The following IDH2 variants were observed in gnomAD, a reference collection of about 807,000 sequenced individuals.
IDH2 encodes the protein isocitrate dehydrogenase [NADP], mitochondrial.
A neutral mutation model predicts 50.5 loss-of-function variants in IDH2; 18 were observed. The observed-to-expected ratio is 0.36, with a 90% CI of 0.25 to 0.53. The LOEUF (loss-of-function observed/expected upper bound fraction) is 0.53. Among genes scored for constraint, IDH2 ranks in the 20% least tolerant of loss-of-function variants. The pLI, the probability that IDH2 is intolerant of heterozygous loss-of-function variation, is 0.92. For synonymous variants in IDH2, 280 were observed against 239.8 expected (o/e 1.17, Z -1.55); for missense variants, 518 against 610.7 (o/e 0.85, Z 1.60).
rs966296944 is a variant in IDH2, at chr15:90,100,104, T to C, written c.115+2172A>G. On this transcript the variant is annotated intron_variant, in intron 1 of 10. Transcript: ENST00000330062. The surrounding 1 kb of genome is among the most constrained non-coding windows in gnomAD (Gnocchi z 4.1). ...GTTCTTACCAGCAGCCTGCACCAGA[T>C]GTACACGGGTGGCATCTCTCTCCAG... is the stretch of plus-strand genomic sequence containing the variant. Among the ~76,000 whole-genome samples, 1 of 152,170 alleles carries C rather than the reference T, an allele frequency of 6.6e-6. No individual in the cohort carries two copies. The highest frequency in any genetic ancestry group is 1.5e-5 in the Non-Finnish European group (1 of 68,030).
At chr15:90,092,016 T>G (rs1901052187) in intron 1 of IDH2, among the ~76,000 whole-genome samples, 1 of 152,144 alleles carries the variant, frequency 6.6e-6, no homozygotes, top group Non-Finnish European at 1.5e-5. Context: ...GGTTGCATAC[T>G]CCTTATGAGA....
chr15:90,102,235 T>C, intron 1 of IDH2, 41 bp downstream of exon 1: 1 of 894,404 alleles, frequency 1.1e-6, no homozygotes, highest in South Asian at 5.4e-5. Context: ...ACGTCGCAGC[T>C]GGGGGCGCGC....
chr15:90,086,900 C>A (rs565734985), intron 7 of IDH2, among the ~76,000 whole-genome samples: 1 of 152,272 alleles, frequency 6.6e-6, no homozygotes, highest in South Asian at 2.1e-4. Context: ...TCCTTTCTCT[C>A]TAAGAGCAGC....
intron 5 of IDH2, 100 bp from the exon 6 acceptor site, chr15:90,087,675 AC>A (rs1900900270): frequency 7.2e-7 from 1 of 1,397,852 alleles, no homozygotes; most frequent in Non-Finnish European, 1.0e-6. Flanking sequence ...CAGGAACGGT[AC>A]CCCGCCGCCC....
At position 90,091,662 on chromosome 15, in the gene IDH2, C is replaced by T. The variant is rs779652053; in HGVS notation, c.116-18G>A. On this transcript the variant is annotated intron_variant, in intron 1 of 10. Coordinates refer to ENST00000330062, the MANE Select transcript of IDH2 (RefSeq NM_002168.4). The stretch of plus-strand genomic sequence containing the variant: ...GTCGGCATCTAGAAGCAGGGACACA[C>T]AGCGCATCATGCCCCTGGGGAGGCT... 5.6e-6 allele frequency: 9 copies of T among 1,607,496 alleles called. No individual in the cohort carries two copies. Among genetic ancestry groups the T allele is most frequent in the Non-Finnish European group, 6.8e-6 (8 of 1,173,972 alleles).
Position 90,100,024 on chromosome 15 carries a change from T to G in IDH2, c.115+2252A>C. Among the ~76,000 whole-genome samples, 1 of 152,060 alleles carries G rather than the reference T, an allele frequency of 6.6e-6. No individual in the cohort carries two copies. Among genetic ancestry groups the G allele is most frequent in the East Asian group, 1.9e-4 (1 of 5,184 alleles). Reference sequence around the variant, plus strand: ...TGCCCTCACCTTCTGTTTCACTGAATGTGTTTCCTCCCCTCTCACCCATCT... The same window carrying G: ...TGCCCTCACCTTCTGTTTCACTGAAGGTGTTTCCTCCCCTCTCACCCATCT... On this transcript the variant is annotated intron_variant, in intron 1 of 10. Coordinates refer to ENST00000330062, the MANE Select transcript of IDH2 (RefSeq NM_002168.4). The surrounding 1 kb of genome is among the most constrained non-coding windows in gnomAD (Gnocchi z 4.1).
At chr15:90,093,389 CATA>C (rs1901096046) in intron 1 of IDH2, among the ~76,000 whole-genome samples, 1 of 152,156 alleles carries the variant, frequency 6.6e-6, no homozygotes, top group Non-Finnish European at 1.5e-5. Context: ...CTGTGTAGCT[CATA>C]ATAAAATCCT....
At position 90,088,565 on chromosome 15, in the gene IDH2, T is replaced by A. The variant is rs777479451; in HGVS notation, c.534+22A>T. On this transcript the variant is annotated intron_variant, in intron 4 of 10. Transcript: ENST00000330062. ...GTCGGGGGGTGCCCAGGTCAGTGGATCCCCTCTCCACCCTGGCCTACCTGG... is the reference window on the plus strand; with the variant it reads ...GTCGGGGGGTGCCCAGGTCAGTGGAACCCCTCTCCACCCTGGCCTACCTGG... 2.0e-5 allele frequency: 32 copies of A among 1,613,922 alleles called. No individual in the cohort carries two copies. The East Asian group carries it at 6.9e-4, about 35-fold the overall frequency.
chr15:90,088,231 C>T (rs1900924135), intron 5 of IDH2, 128 bp downstream of exon 5: 2 of 1,221,728 alleles, frequency 1.6e-6, no homozygotes, highest in Admixed American at 1.7e-5. Flanking sequence ...CATGCCCAGC[C>T]CTGGTGGCCA....
rs1900790462 is a variant in IDH2 at position 90,084,083 on chromosome 15, C to T, written c.*183G>A. On this transcript the variant is annotated 3_prime_UTR_variant, in exon 11 of 11. Transcript: ENST00000330062. The surrounding 1 kb of genome is among the most constrained non-coding windows in gnomAD (Gnocchi z 5.0). ...TGACTGGCTGAGGTAAAACGCACTG[C>T]TCCTGCCTCACGTCACCATGAGGGG... The T allele has an allele frequency of 4.9e-6, 3 of 618,340 alleles. No homozygotes were observed. The highest frequency in any genetic ancestry group is 8.7e-6 in the Non-Finnish European group (3 of 344,052). The allele number at this position is 618,340 out of a possible 1,614,324, so 38.3% of individuals were successfully genotyped here.
intron 1 of IDH2, among the ~76,000 whole-genome samples, 188 bp from the exon 2 acceptor site, chr15:90,091,832 G>A (rs1307509197): frequency 5.9e-5 from 9 of 152,202 alleles, no homozygotes; most frequent in Non-Finnish European, 8.8e-5. Flanking sequence ...CAACTCCCAG[G>A]CCATGGACTA....
chr15:90,102,054 C>T (rs1901347346), intron 1 of IDH2, among the ~76,000 whole-genome samples: 1 of 151,814 alleles, frequency 6.6e-6, no homozygotes, highest in African/African-American at 2.4e-5. Context: ...CCCGGGCCAC[C>T]AGTTGCCACC....
chr15:90,094,917 C>CA (rs1409632540), intron 1 of IDH2, among the ~76,000 whole-genome samples: 67 of 151,758 alleles, frequency 4.4e-4, no homozygotes, highest in African/African-American at 1.5e-3. Context: ...AACAAACAAA[C>CA]AAACAAAAAA....
chr15:90,084,537 G>A lies in IDH2; in HGVS notation c.1272-184C>T, dbSNP rs758692398. 2.6e-5 allele frequency among the ~76,000 whole-genome samples: 4 copies of A among 152,024 alleles called. No individual in the cohort carries two copies. The highest frequency in any genetic ancestry group is 2.9e-5 in the Non-Finnish European group (2 of 68,004). On this transcript the variant is annotated intron_variant, in intron 10 of 10. Transcript: ENST00000330062. This position sits in a 1 kb window ranked among gnomAD's most constrained non-coding sequence, Gnocchi z 5.0. The stretch of plus-strand genomic sequence containing the variant: ...GGCCACCGAGATTCGGCAGGCACCC[G>A]CAGGGTCTGTCTTGCCAGGTAACTG...
intron 3 of IDH2, 128 bp from the exon 4 acceptor site, chr15:90,088,875 A>G: frequency 1.3e-6 from 1 of 786,808 alleles, no homozygotes. Flanking sequence ...TAGAGTCTAG[A>G]GTGCAAATGT....
Position 90,100,611 on chromosome 15 carries a change from C to T in IDH2, c.115+1665G>A, listed in dbSNP as rs1901303955. The stretch of plus-strand genomic sequence containing the variant: ...ACCAGCAGTCGCTGGAAGCCTATGG[C>T]GTTGCAAAATAGGAAAAGATGCGTG... On this transcript the variant is annotated intron_variant, in intron 1 of 10. Coordinates refer to ENST00000330062, the MANE Select transcript of IDH2 (RefSeq NM_002168.4). The surrounding 1 kb of genome is among the most constrained non-coding windows in gnomAD (Gnocchi z 4.1). 1.0e-5 allele frequency: 10 copies of T among 985,160 alleles called. No individual in the cohort carries two copies. The highest frequency in any genetic ancestry group is 9.6e-6 in the Non-Finnish European group (8 of 829,704). 61.0% of individuals were successfully genotyped at this position (985,160 alleles called of 1,614,324 possible). A position where few individuals can be genotyped will look rare whatever the true frequency, so the allele number is the denominator to read the frequency against.
rs750552419 is a variant in IDH2 at position 90,085,853 on chromosome 15, C to A, written c.968-466G>T. On this transcript the variant is annotated intron_variant, in intron 7 of 10. Coordinates refer to ENST00000330062, the MANE Select transcript of IDH2 (RefSeq NM_002168.4). This position sits in a 1 kb window ranked among gnomAD's most constrained non-coding sequence, Gnocchi z 5.5. Reference sequence around the variant, plus strand: ...TTTTTGATTAATTTCTGAATGCTCCCAAATCCACATGTCAACTCCAGCAAG... The same window carrying A: ...TTTTTGATTAATTTCTGAATGCTCCAAAATCCACATGTCAACTCCAGCAAG... Among the ~76,000 whole-genome samples, 83 of 152,184 alleles carry A rather than the reference C, an allele frequency of 5.5e-4. No homozygotes were observed. Among genetic ancestry groups the A allele is most frequent in the Middle Eastern group, 3.2e-3 (1 of 316 alleles).
Position 90,088,687 on chromosome 15 carries a change from C to T in IDH2, c.434G>A (p.Gly145Glu), listed in dbSNP as rs1567254879. Residue 145 changes from glycine to glutamate, a missense_variant, in exon 4 of 11, where the codon GGG (glycine) becomes GAG (glutamate). Gly to Glu is a moderately conservative substitution (Grantham distance 98). Coordinates refer to ENST00000330062, the MANE Select transcript of IDH2 (RefSeq NM_002168.4). ...GATGATGGGCTCCCGGAAGACAGTC[C>T]CCCCCAGGATGTTCCGGATAGTTCC... ...PNGTIRNILGGTVFREPIICK... is the reference protein window; with the variant it reads ...PNGTIRNILGETVFREPIICK... The T allele has an allele frequency of 6.2e-7, 1 of 1,613,974 alleles. No homozygotes were observed. Among genetic ancestry groups the T allele is most frequent in the Non-Finnish European group, 8.5e-7 (1 of 1,179,986 alleles).
rs1901258357 is a variant in IDH2 at position 90,098,865 on chromosome 15, T to C, written c.115+3411A>G. Among the ~76,000 whole-genome samples the C allele has an allele frequency of 6.6e-6, 1 of 152,130 alleles. No individual in the cohort carries two copies. Among genetic ancestry groups the C allele is most frequent in the Non-Finnish European group, 1.5e-5 (1 of 68,006 alleles). ...CATTTTGGAACAAACTCTAGTAGAC[T>C]CCTTGGTGTCATCCTTCATTCCTTC... On this transcript the variant is annotated intron_variant, in intron 1 of 10. Coordinates refer to ENST00000330062, the MANE Select transcript of IDH2 (RefSeq NM_002168.4). The surrounding 1 kb of genome is among the most constrained non-coding windows in gnomAD (Gnocchi z 5.1).
Sources: gnomAD v4.1 joint callset for allele counts (sites outside exome capture counted in the v4.1 genomes callset) on GRCh38, gnomAD v4.1.1 for gene constraint, Gnocchi (gnomAD v3.1) non-coding constraint, MANE v1.5 for transcripts, NCBI Gene and HGNC (gene_info 2026-07-23, HGNC 2026-07-21) for gene names.